Variants in THSD4 observed in about 807,000 individuals in gnomAD.
The protein encoded by THSD4 is thrombospondin type-1 domain-containing protein 4.
In THSD4, 69 loss-of-function variants were observed where a neutral mutation model predicts 119.0. The ratio of observed to expected loss-of-function variants is 0.58; its 90% confidence interval spans 0.48 to 0.71. The LOEUF is 0.71. Among genes scored for constraint, THSD4 ranks in the 30% least tolerant of loss-of-function variants. The probability of loss-of-function intolerance (pLI) is 0.00; values close to 1 mark genes in which losing one functional copy is unlikely to be tolerated. For missense variants in THSD4, 1,393 were observed against 1,391.1 expected (o/e 1.00, Z -0.02); for synonymous variants, 524 against 540.4 (o/e 0.97, Z 0.42).
chr15:71,292,518 T>G (rs2044805466), intron 6 of THSD4, among the ~76,000 whole-genome samples: 1 of 152,180 alleles, frequency 6.6e-6, no homozygotes. Flanking sequence ...CTCGACTGTC[T>G]TCTAAATTCT....
chr15:71,304,869 A>C (rs1408003190), intron 6 of THSD4, among the ~76,000 whole-genome samples: 3 of 152,252 alleles, frequency 2.0e-5, no homozygotes, highest in Admixed American at 6.5e-5. Flanking sequence ...TGGCATCATG[A>C]GCTCATATTG....
At chr15:71,134,910 A>G (rs886390483) in intron 1 of THSD4, among the ~76,000 whole-genome samples, 6 of 150,820 alleles carry the variant, frequency 4.0e-5, no homozygotes, top group African/African-American at 9.8e-5. Flanking sequence ...ATAAAGACAC[A>G]TGCACACGTA....
intron 1 of THSD4, among the ~76,000 whole-genome samples, chr15:71,134,651 G>T (rs2141364882): frequency 6.6e-6 from 1 of 152,336 alleles, no homozygotes; most frequent in South Asian, 2.1e-4. Context: ...TTTGTAAAGA[G>T]GACTGAAAGA....
chr15:71,132,190 T>C (rs2040509926), intron 1 of THSD4, among the ~76,000 whole-genome samples: 1 of 152,258 alleles, frequency 6.6e-6, no homozygotes. Flanking sequence ...AGGACCTTAG[T>C]CATACCTTTT....
At chr15:71,742,184 C>T (rs1209029326) in intron 11 of THSD4, among the ~76,000 whole-genome samples, 2 of 152,216 alleles carry the variant, frequency 1.3e-5, no homozygotes, top group African/African-American at 4.8e-5. Context: ...CCTGGTGGAG[C>T]TAACCACACC....
chr15:71,440,882 C>T (rs1173542945), intron 7 of THSD4, among the ~76,000 whole-genome samples: 1 of 152,120 alleles, frequency 6.6e-6, no homozygotes, highest in African/African-American at 2.4e-5. Flanking sequence ...GTAAATTACA[C>T]TTGGGAGCAA....
At chr15:71,297,288 T>C (rs2044875652) in intron 6 of THSD4, among the ~76,000 whole-genome samples, 1 of 151,508 alleles carries the variant, frequency 6.6e-6, no homozygotes. Flanking sequence ...CAGAAAAATA[T>C]TTATTCAAGT....
chr15:71,307,673 G>T (rs1289767158), intron 6 of THSD4, among the ~76,000 whole-genome samples: 1 of 152,192 alleles, frequency 6.6e-6, no homozygotes, highest in Non-Finnish European at 1.5e-5. Context: ...GGAGGCTGAG[G>T]CAGAGAATTG....
At chr15:71,699,071 A>G (rs937534552) in intron 8 of THSD4, among the ~76,000 whole-genome samples, 1 of 152,216 alleles carries the variant, frequency 6.6e-6, no homozygotes, top group African/African-American at 2.4e-5. Context: ...CCTTATTTTT[A>G]AGTATTCTTA....
chr15:71,124,933 G>A (rs2040440200), intron 1 of THSD4, among the ~76,000 whole-genome samples: 2 of 151,936 alleles, frequency 1.3e-5, no homozygotes, highest in Admixed American at 6.6e-5. Context: ...GTCCCAGCTG[G>A]TGGTGTGCAC....
chr15:71,204,539 G>A (rs1372080110), intron 3 of THSD4, among the ~76,000 whole-genome samples: 1 of 152,032 alleles, frequency 6.6e-6, no homozygotes. Flanking sequence ...GCACTGGAAG[G>A]GACCTCAGCC....
At chr15:71,375,520 A>C (rs1290797897) in intron 6 of THSD4, among the ~76,000 whole-genome samples, 1 of 152,102 alleles carries the variant, frequency 6.6e-6, no homozygotes, top group African/African-American at 2.4e-5. Context: ...TTTTGGGAGC[A>C]GGGACTTTGC....
rs374493774 is a variant in THSD4 at position 71,375,148 on chromosome 15, A to T, written c.1016-36539A>T. Among the ~76,000 whole-genome samples the T allele has an allele frequency of 6.6e-5, 10 of 152,354 alleles. No individual in the cohort carries two copies. In the East Asian group the frequency reaches 1.7e-3, roughly 26 times the overall value. On this transcript the variant is annotated intron_variant, in intron 6 of 17. Transcript: ENST00000261862. ...ACTTAATAAAAACTGCATGTCTGCC[A>T]GGGACCGAGCACCACGAGGATTGTG...
At chr15:71,493,037 A>G (rs1410657008) in intron 7 of THSD4, among the ~76,000 whole-genome samples, 1 of 152,218 alleles carries the variant, frequency 6.6e-6, no homozygotes, top group Non-Finnish European at 1.5e-5. Flanking sequence ...CTTGGCTTAG[A>G]GGAGTCGACA....
Position 71,746,923 on chromosome 15 carries a change from G to A in THSD4, c.2122G>A (p.Ala708Thr), listed in dbSNP as rs774804503. 19 of 1,613,722 alleles carry A rather than the reference G, an allele frequency of 1.2e-5. No individual in the cohort carries two copies. The highest frequency in any genetic ancestry group is 1.6e-4 in the Middle Eastern group (1 of 6,084). Residue 708 changes from alanine to threonine, a missense_variant, in exon 13 of 18, where the codon GCC (alanine) becomes ACC (threonine). Transcript: ENST00000261862. ...CCAGGTTCTGTGCCGCCAGGTGTAC[G>A]CCAACCGCAGCCTGACGGTGCAGCC... ...HRQVLCRQVY[A>T]NRSLTVQPYR...
chr15:71,573,050 G>T (rs1424817950), intron 7 of THSD4, among the ~76,000 whole-genome samples: 1 of 152,130 alleles, frequency 6.6e-6, no homozygotes, highest in Non-Finnish European at 1.5e-5. Context: ...GCTGCTAGGG[G>T]TTACACATAG....
chr15:71,302,370 G>C (rs2044962708), intron 6 of THSD4, among the ~76,000 whole-genome samples: 2 of 152,110 alleles, frequency 1.3e-5, no homozygotes, highest in Non-Finnish European at 1.5e-5. Flanking sequence ...GCTGATGCAG[G>C]CACTGAGCCA....
At chr15:71,624,550 T>G (rs2050474421) in intron 7 of THSD4, among the ~76,000 whole-genome samples, 1 of 152,172 alleles carries the variant, frequency 6.6e-6, no homozygotes, top group Non-Finnish European at 1.5e-5. Context: ...TGGAAGGCAT[T>G]TTGTGTGTGG....
In THSD4 at chr15:71,218,137, C is replaced by A. The variant is rs28377177; in HGVS notation, c.464+2738C>A. Among the ~76,000 whole-genome samples, 1,234 of 152,278 alleles carry A rather than the reference C, an allele frequency of 8.1e-3. 23 individuals are homozygous for A. The highest frequency in any genetic ancestry group is 0.028 in the African/African-American group (1,147 of 41,544). On this transcript the variant is annotated intron_variant, in intron 4 of 17. Coordinates refer to ENST00000261862, the MANE Select transcript of THSD4 (RefSeq NM_024817.3). ...ATAAGAGAGTTGCTAATAGCATCTTCATTTTAGAGGTAAGGAAATAGAGTC... is the reference window on the plus strand; with the variant it reads ...ATAAGAGAGTTGCTAATAGCATCTTAATTTTAGAGGTAAGGAAATAGAGTC...
Sources: gnomAD v4.1 joint callset for allele counts (sites outside exome capture counted in the v4.1 genomes callset) on GRCh38, gnomAD v4.1.1 for gene constraint, MANE v1.5 for transcripts, NCBI Gene and HGNC (gene_info 2026-07-23, HGNC 2026-07-21) for gene names.